The following ELMO1 variants were observed in gnomAD, a reference collection of about 807,000 sequenced individuals.
The protein encoded by ELMO1 is engulfment and cell motility 1.
ELMO1 carries 26 observed loss-of-function variants against 98.9 expected under a neutral mutation model. The ratio of observed to expected loss-of-function variants is 0.26; its 90% CI spans 0.19 to 0.36. The LOEUF (loss-of-function observed/expected upper bound fraction) is 0.36, where lower values mean the gene tolerates loss of function less well. Ranked by LOEUF, ELMO1 falls within the 10% of genes least tolerant of loss-of-function variation. ELMO1 has a pLI of 1.00. For missense variants in ELMO1, 627 were observed against 935.2 expected, an observed-to-expected ratio of 0.67 and a Z score of 4.30; for synonymous variants, 346 against 346.0, an observed-to-expected ratio of 1.00 and a Z score of 0.00.
At chr7:37,052,229 C>T (rs189035011) in intron 15 of ELMO1, among the ~76,000 whole-genome samples, 1 of 152,270 alleles carries the variant, frequency 6.6e-6, no homozygotes, top group Admixed American at 6.5e-5. Context: ...ATATGACTGC[C>T]TACTCCAGAC....
At chr7:37,225,063 C>A (rs776201978) in intron 8 of ELMO1, 33 bp from the exon 9 acceptor site, 1 of 1,613,150 alleles carries the variant, frequency 6.2e-7, no homozygotes, top group East Asian at 2.2e-5. Context: ...ATTGACTGCT[C>A]GTGGTAAGTA....
At chr7:36,951,350 G>C (rs957009722) in intron 16 of ELMO1, among the ~76,000 whole-genome samples, 4 of 152,170 alleles carry the variant, frequency 2.6e-5, no homozygotes, top group Admixed American at 2.6e-4. Context: ...ACCAACACTT[G>C]GCTCCGGCCA....
chr7:37,111,472 C>T (rs879079037), intron 14 of ELMO1, among the ~76,000 whole-genome samples: 3 of 152,336 alleles, frequency 2.0e-5, no homozygotes, highest in Middle Eastern at 3.4e-3. Flanking sequence ...ATTGATACCA[C>T]AGAAACCAGC....
At chr7:37,050,500 A>T (rs1796041260) in intron 15 of ELMO1, among the ~76,000 whole-genome samples, 1 of 152,096 alleles carries the variant, frequency 6.6e-6, no homozygotes, top group African/African-American at 2.4e-5. Context: ...CAACTCTGCA[A>T]GGGAGTGCAC....
intron 13 of ELMO1, among the ~76,000 whole-genome samples, chr7:37,191,395 C>T (rs145136183): frequency 5.9e-5 from 9 of 151,630 alleles, no homozygotes; most frequent in East Asian, 1.9e-4. Context: ...CTCATGGAAA[C>T]AAGGAAGTAC....
chr7:37,406,019 A>C (rs1260176721), intron 1 of ELMO1, among the ~76,000 whole-genome samples: 3 of 152,182 alleles, frequency 2.0e-5, no homozygotes, highest in Non-Finnish European at 2.9e-5. Flanking sequence ...AGTCAAGCTC[A>C]AGCTGCAGAG....
chr7:36,895,557 C>T (rs1446937677), intron 16 of ELMO1, among the ~76,000 whole-genome samples: 1 of 152,138 alleles, frequency 6.6e-6, no homozygotes, highest in Non-Finnish European at 1.5e-5. Context: ...TGGAAATGTA[C>T]ATGTGATATT....
chr7:37,286,817 T>A (rs554382076), intron 4 of ELMO1, among the ~76,000 whole-genome samples: 2 of 152,218 alleles, frequency 1.3e-5, no homozygotes, highest in Non-Finnish European at 2.9e-5. Context: ...AGTCTATGGA[T>A]CTTCTTTTCA....
chr7:36,937,667 CTG>C (rs937158444), intron 16 of ELMO1, among the ~76,000 whole-genome samples: 1 of 152,338 alleles, frequency 6.6e-6, no homozygotes. Flanking sequence ...GGATTTCAGA[CTG>C]TTATCAGATG....
At chr7:37,188,409 TACACACAC>T (rs566236838) in intron 13 of ELMO1, among the ~76,000 whole-genome samples, 53,352 of 115,512 alleles carry the variant, frequency 0.46, 12,774 homozygotes, top group Non-Finnish European at 0.54. Flanking sequence ...TGCTTCTTGT[TACACACAC>T]ACACACACAC....
intron 13 of ELMO1, among the ~76,000 whole-genome samples, chr7:37,158,606 A>G (rs959435705): frequency 6.6e-6 from 1 of 152,232 alleles, no homozygotes; most frequent in African/African-American, 2.4e-5. Context: ...ACAATGAGAT[A>G]CCATCTCACA....
chr7:37,211,302 G>T (rs770706496), intron 13 of ELMO1, 84 bp downstream of exon 13: 1 of 1,591,740 alleles, frequency 6.3e-7, no homozygotes, highest in African/African-American at 1.3e-5. Flanking sequence ...AGGACCACAC[G>T]CTCGGAAGAG....
At chr7:36,951,204 G>T (rs1171381460) in intron 16 of ELMO1, among the ~76,000 whole-genome samples, 1 of 152,160 alleles carries the variant, frequency 6.6e-6, no homozygotes. Context: ...CTCAGCAATA[G>T]AGATCATCTT....
At chr7:37,054,731 A>T (rs1796303600) in intron 15 of ELMO1, among the ~76,000 whole-genome samples, 1 of 151,450 alleles carries the variant, frequency 6.6e-6, no homozygotes, top group Non-Finnish European at 1.5e-5. Flanking sequence ...GTTTCAAAAA[A>T]GCTGGCAGCC....
At chr7:36,931,130 A>T (rs550122112) in intron 16 of ELMO1, among the ~76,000 whole-genome samples, 2 of 152,358 alleles carry the variant, frequency 1.3e-5, no homozygotes, top group African/African-American at 4.8e-5. Context: ...AAAAGGATGG[A>T]TACAAATGTG....
rs145816286 is a variant in ELMO1, at chr7:37,185,691, T to C, written c.1086+25695A>G. Among the ~76,000 whole-genome samples, 22 of 152,340 alleles carry C rather than the reference T, an allele frequency of 1.4e-4. No individual in the cohort carries two copies. The East Asian group carries it at 4.0e-3, about 28-fold the overall frequency. Reference sequence around the variant, plus strand: ...TTTGAAGTACTCTTCTTAGGGATCATTTATATAGGTCTACTTATAATAGCA... The same window carrying C: ...TTTGAAGTACTCTTCTTAGGGATCACTTATATAGGTCTACTTATAATAGCA... On this transcript the variant is annotated intron_variant, in intron 13 of 21. Coordinates refer to ENST00000310758, the MANE Select transcript of ELMO1 (RefSeq NM_014800.11).
chr7:37,275,631 A>G (rs972111168), intron 4 of ELMO1, among the ~76,000 whole-genome samples: 4 of 152,226 alleles, frequency 2.6e-5, no homozygotes, highest in Non-Finnish European at 5.9e-5. Context: ...CAAGAATGAG[A>G]GCAATTACTG....
intron 21 of ELMO1, among the ~76,000 whole-genome samples, chr7:36,857,626 A>T (rs968020573): frequency 6.6e-6 from 1 of 152,216 alleles, no homozygotes; most frequent in Non-Finnish European, 1.5e-5. Flanking sequence ...ACCAATAAAT[A>T]AAAACCCTGT....
At chr7:37,325,215 C>T (rs916176584) in intron 2 of ELMO1, among the ~76,000 whole-genome samples, 2 of 152,334 alleles carry the variant, frequency 1.3e-5, no homozygotes, top group South Asian at 2.1e-4. Context: ...TGGCACTTGC[C>T]GCATCCTGCT....
Sources: gnomAD v4.1 joint callset for allele counts (sites outside exome capture counted in the v4.1 genomes callset) on GRCh38, gnomAD v4.1.1 for gene constraint, MANE v1.5 for transcripts, NCBI Gene and HGNC (gene_info 2026-07-23, HGNC 2026-07-21) for gene names.